KDM5A: variants seen among roughly 807,000 people sequenced by gnomAD.
KDM5A encodes lysine-specific demethylase 5A.
KDM5A carries 42 observed loss-of-function variants against 193.5 expected under a neutral mutation model. That is an observed-to-expected ratio of 0.22 (90% confidence interval 0.17 to 0.28). The LOEUF (loss-of-function observed/expected upper bound fraction) is 0.28. KDM5A is among the 10% of genes least tolerant of loss of function. The pLI is 1.00. For synonymous variants in KDM5A, 796 were observed against 718.1 expected, an observed-to-expected ratio of 1.11 and a Z score of -1.73; for missense variants, 1,692 against 2,055.1, an observed-to-expected ratio of 0.82 and a Z score of 3.42.
At chr12:340,491 C>T (rs377064022) in intron 10 of KDM5A, among the ~76,000 whole-genome samples, 16 of 152,042 alleles carry the variant, frequency 1.1e-4, no homozygotes, top group South Asian at 2.1e-4. Context: ...GTCAGTAGTT[C>T]GAGACCAGCC....
intron 3 of KDM5A, among the ~76,000 whole-genome samples, chr12:377,938 G>C (rs912690085): frequency 3.3e-5 from 5 of 152,174 alleles, no homozygotes; most frequent in African/African-American, 1.2e-4. Context: ...AGCATACTGA[G>C]AGATGTATAC....
At chr12:356,090 G>A (rs1249184113) in intron 6 of KDM5A, among the ~76,000 whole-genome samples, 3 of 152,086 alleles carry the variant, frequency 2.0e-5, no homozygotes, top group Non-Finnish European at 4.4e-5. Context: ...AGTGTATGTC[G>A]ATACTAAGAG....
intron 10 of KDM5A, among the ~76,000 whole-genome samples, chr12:337,804 G>T (rs192681128): frequency 1.3e-5 from 2 of 151,848 alleles, no homozygotes; most frequent in African/African-American, 4.8e-5. Context: ...CACCATGCCC[G>T]GCTAATTTTT....
Position 295,674 on chromosome 12 carries a change from C to T in KDM5A, c.4354G>A (p.Gly1452Arg). Residue 1452 changes from glycine to arginine, a missense_variant, in exon 26 of 28, where the codon GGA (glycine) becomes AGA (arginine). Gly to Arg is a moderately radical substitution (Grantham distance 125). Coordinates refer to ENST00000399788, the MANE Select transcript of KDM5A (RefSeq NM_001042603.3). ...KAQLEELMMV[G>R]DLLEVSLDET... ...TCCAGAGATACTTCCAGGAGATCTC[C>T]AACCATCATAAGTTCTTCCAGTTGT... The T allele has an allele frequency of 6.2e-7, 1 of 1,614,118 alleles. No individual in the cohort carries two copies. The highest frequency in any genetic ancestry group is 8.5e-7 in the Non-Finnish European group (1 of 1,180,020).
rs770292351 is a variant in KDM5A at position 334,335 on chromosome 12, T to C, written c.1396A>G (p.Met466Val). 6.2e-7 allele frequency: 1 copy of C among 1,614,032 alleles called. No homozygotes were observed. The highest frequency in any genetic ancestry group is 1.1e-5 in the South Asian group (1 of 91,082). Residue 466 changes from methionine to valine, a missense_variant, in exon 11 of 28, where the codon ATG becomes GTG. This residue lies in a region of KDM5A where 172 missense variants were observed against 260.3 expected (regional missense o/e 0.66). Transcript: ENST00000399788. ...LAHINVDISG[M>V]KVPWLYVGMC... is the part of the protein sequence containing the mutation. The stretch of plus-strand genomic sequence containing the variant: ...CCCACATAGAGCCACGGCACTTTCA[T>C]ACCAGAGATGTCCACATTAATATGT...
At chr12:378,587 GTAC>G (rs1263998182) in intron 3 of KDM5A, among the ~76,000 whole-genome samples, 1 of 152,022 alleles carries the variant, frequency 6.6e-6, no homozygotes, top group Admixed American at 6.6e-5. Context: ...TTTTAAAAGT[GTAC>G]TACTTTAATA....
At chr12:341,905 A>AT (rs1944010270) in intron 10 of KDM5A, among the ~76,000 whole-genome samples, 1 of 145,004 alleles carries the variant, frequency 6.9e-6, no homozygotes, top group African/African-American at 2.6e-5. Flanking sequence ...TCTCCAAAAA[A>AT]AAAAAAAGAG....
At chr12:361,251 G>A (rs1232683574) in intron 5 of KDM5A, among the ~76,000 whole-genome samples, 2 of 151,826 alleles carry the variant, frequency 1.3e-5, no homozygotes, top group Non-Finnish European at 2.9e-5. Flanking sequence ...CTGGACTGCA[G>A]TGGCGAGATC....
intron 8 of KDM5A, among the ~76,000 whole-genome samples, chr12:352,978 C>T (rs938767124): frequency 2.6e-5 from 4 of 152,122 alleles, no homozygotes; most frequent in South Asian, 2.1e-4. Flanking sequence ...AGGCATTTCA[C>T]GACAATGACA....
intron 10 of KDM5A, among the ~76,000 whole-genome samples, chr12:344,230 GAAAC>G (rs958246447): frequency 2.0e-5 from 3 of 152,108 alleles, no homozygotes; most frequent in East Asian, 1.9e-4. Flanking sequence ...AGAGTAAGAA[GAAAC>G]AAACAAAGCC....
rs573375350 is a variant in KDM5A, at chr12:339,789, A to G, written c.1309-5367T>C. 1.9e-4 allele frequency among the ~76,000 whole-genome samples: 29 copies of G among 152,014 alleles called. 1 individual carries two copies. In the Middle Eastern group the frequency reaches 0.024, roughly 125 times the overall value. On this transcript the variant is annotated intron_variant, in intron 10 of 27. Coordinates refer to ENST00000399788, the MANE Select transcript of KDM5A (RefSeq NM_001042603.3). ...AACACCAATGATTCTCATCTCCTGA[A>G]ATTCAGAACCTTGTATAACCTCCAC...
chr12:318,387 G>C lies in KDM5A; in HGVS notation c.2616C>G (p.Ser872=). The C allele has an allele frequency of 1.9e-6, 3 of 1,614,140 alleles. No individual in the cohort carries two copies. Among genetic ancestry groups the C allele is most frequent in the Non-Finnish European group, 2.5e-6 (3 of 1,180,010 alleles). ...CCATATCTATCAACATCTGGAGTTT[G>C]GAAGAATCTGGGGTTTCATCCATCA... The part of the protein sequence containing the change: ...EAMMDETPDS[S]KLQMLIDMGS... Residue 872 remains serine, a synonymous_variant, in exon 19 of 28, where the codon TCC becomes TCG. Transcript: ENST00000399788.
chr12:385,312 T>C (rs923793918), intron 2 of KDM5A, among the ~76,000 whole-genome samples: 3 of 151,934 alleles, frequency 2.0e-5, no homozygotes, highest in African/African-American at 7.2e-5. Flanking sequence ...AAAGTTTTCA[T>C]ATCACAATGA....
intron 11 of KDM5A, 48 bp downstream of exon 11, chr12:334,193 C>A: frequency 2.0e-6 from 3 of 1,519,740 alleles, no homozygotes; most frequent in Admixed American, 1.7e-5. Flanking sequence ...CATTAATCCA[C>A]TAGACTTTAG....
chr12:313,677 T>C (rs1943616858), intron 19 of KDM5A, among the ~76,000 whole-genome samples: 1 of 152,194 alleles, frequency 6.6e-6, no homozygotes, highest in South Asian at 2.1e-4. Context: ...TCATTAACAT[T>C]AGTTACACAA....
At chr12:387,097 C>G (rs1046165574) in intron 1 of KDM5A, among the ~76,000 whole-genome samples, 1 of 151,934 alleles carries the variant, frequency 6.6e-6, no homozygotes. Flanking sequence ...ACACGCAGAA[C>G]AAGGACAATT....
intron 10 of KDM5A, among the ~76,000 whole-genome samples, chr12:336,043 C>CA (rs753624871): frequency 0.26 from 10,849 of 41,776 alleles, 2,169 homozygotes; most frequent in African/African-American, 0.53. Flanking sequence ...TACTTCATCT[C>CA]AAAAAAAAAA....
chr12:356,651 T>A (rs1173922063), intron 5 of KDM5A, 114 bp from the exon 6 acceptor site: 7 of 727,354 alleles, frequency 9.6e-6, no homozygotes, highest in Non-Finnish European at 1.5e-5. Context: ...ATTATTGGAT[T>A]TCTTTTCTGT....
At chr12:295,340 GAGAGAGAAAGAAAGAGAA>G (rs1185681781) in intron 26 of KDM5A, among the ~76,000 whole-genome samples, 4 of 151,780 alleles carry the variant, frequency 2.6e-5, no homozygotes, top group Middle Eastern at 3.4e-3. Context: ...AAAAGAGAAA[GAGAGAGAAAGAAAGAGAA>G]AGAGAGAAAG....
Sources: gnomAD v4.1 joint callset for allele counts (sites outside exome capture counted in the v4.1 genomes callset) on GRCh38, gnomAD v4.1.1 for gene constraint, gnomAD v4.1.1 regional missense constraint, MANE v1.5 for transcripts, NCBI Gene and HGNC (gene_info 2026-07-23, HGNC 2026-07-21) for gene names.